The following MTOR variants were observed in gnomAD, a reference collection of about 807,000 sequenced individuals.
The protein encoded by MTOR is mechanistic target of rapamycin kinase.
A neutral mutation model predicts 319.8 loss-of-function variants in MTOR; 70 were observed. That is an observed-to-expected ratio of 0.22 (90% confidence interval 0.18 to 0.27). The LOEUF is 0.27. MTOR is among the 10% of genes least tolerant of loss of function. The pLI is 1.00. For missense variants in MTOR, 1,890 were observed against 3,274.4 expected (o/e 0.58, Z 10.32); for synonymous variants, 1,183 against 1,211.4 (o/e 0.98, Z 0.49).
chr1:11,181,521 T>C lies in MTOR; in HGVS notation c.4254-14004A>G, dbSNP rs936807984. On this transcript the variant is annotated intron_variant, in intron 28 of 57. Transcript: ENST00000361445. The stretch of plus-strand genomic sequence containing the variant: ...GCCTGGGCGACAGAGCCAGACTCCA[T>C]CTCAAAATAAATAAACAAATAAAAT... 4.6e-5 allele frequency among the ~76,000 whole-genome samples: 7 copies of C among 152,080 alleles called. No homozygotes were observed. In the South Asian group the frequency reaches 1.5e-3, roughly 32 times the overall value.
chr1:11,135,226 C>T (rs12124629), intron 36 of MTOR, among the ~76,000 whole-genome samples: 2 of 151,880 alleles, frequency 1.3e-5, no homozygotes, highest in Non-Finnish European at 2.9e-5. Context: ...TTGATAAGTG[C>T]GGTCCATATC....
rs2100909854 is a variant in MTOR at position 11,240,422 on chromosome 1, C to T, written c.1667G>A (p.Gly556Asp). 6.2e-7 allele frequency: 1 copy of T among 1,614,218 alleles called. No individual in the cohort carries two copies. Among genetic ancestry groups the T allele is most frequent in the Non-Finnish European group, 8.5e-7 (1 of 1,180,026 alleles). Reference sequence around the variant, plus strand: ...CTGATGGGCCAGGCCCTTGGGCATGCCTGGGTGGCGAAGGGGTTTGTGCAT... The same window carrying T: ...CTGATGGGCCAGGCCCTTGGGCATGTCTGGGTGGCGAAGGGGTTTGTGCAT... ...VLMHKPLRHP[G>D]MPKGLAHQLA... Residue 556 changes from glycine to aspartate, a missense_variant, in exon 11 of 58, where the codon GGC (glycine) becomes GAC (aspartate). Physicochemically the swap from Gly to Asp is moderately conservative, Grantham distance 94. Transcript: ENST00000361445.
chr1:11,144,624 A>C (rs764055805), intron 34 of MTOR, 24 bp downstream of exon 34: 4 of 1,609,210 alleles, frequency 2.5e-6, no homozygotes, highest in South Asian at 1.1e-5. Context: ...AGGTGGGTGA[A>C]CTGGGGCTTT....
intron 6 of MTOR, among the ~76,000 whole-genome samples, chr1:11,252,961 A>C (rs1340148168): frequency 6.6e-6 from 1 of 152,072 alleles, no homozygotes; most frequent in Admixed American, 6.5e-5. Context: ...GAAACCCATC[A>C]CTAAGTTTGT....
At chr1:11,183,323 G>C (rs1049647018) in intron 28 of MTOR, among the ~76,000 whole-genome samples, 4 of 151,976 alleles carry the variant, frequency 2.6e-5, no homozygotes, top group African/African-American at 7.3e-5. Context: ...TTTTGAGACA[G>C]AGTCTCTCTA....
intron 4 of MTOR, 84 bp downstream of exon 4, chr1:11,256,849 A>C: frequency 3.8e-6 from 5 of 1,311,924 alleles, no homozygotes; most frequent in African/African-American, 1.5e-5. Flanking sequence ...TTTTTAAGGA[A>C]TGAGCCTCAG....
chr1:11,145,094 G>A (rs2100511288), intron 32 of MTOR, 49 bp from the exon 33 acceptor site: 1 of 1,563,330 alleles, frequency 6.4e-7, no homozygotes, highest in Non-Finnish European at 8.8e-7. Flanking sequence ...TGGGAGCTTA[G>A]GGTTATTTTA....
At chr1:11,241,307 C>G (rs1179066015) in intron 10 of MTOR, among the ~76,000 whole-genome samples, 5 of 134,600 alleles carry the variant, frequency 3.7e-5, no homozygotes. Flanking sequence ...GGCGACAGAG[C>G]GAGACCCCTT....
intron 53 of MTOR, 26 bp downstream of exon 53, chr1:11,114,292 G>C (rs370742686): frequency 3.7e-5 from 59 of 1,612,380 alleles, no homozygotes; most frequent in Non-Finnish European, 4.2e-5. Flanking sequence ...ACTGAGCTCA[G>C]CTCCCAGGCA....
Position 11,135,088 on chromosome 1 carries a change from G to A in MTOR, c.5131-622C>T, listed in dbSNP as rs144539882. On this transcript the variant is annotated intron_variant, in intron 36 of 57. Coordinates refer to ENST00000361445, the MANE Select transcript of MTOR (RefSeq NM_004958.4). Reference sequence around the variant, plus strand: ...AGCAGCTAGATCTATTTATACTACCGGCTTGTATACAAAGTGAGCAGAGGG... The same window carrying A: ...AGCAGCTAGATCTATTTATACTACCAGCTTGTATACAAAGTGAGCAGAGGG... Among the ~76,000 whole-genome samples, 731 of 152,240 alleles carry A rather than the reference G, an allele frequency of 4.8e-3. 8 individuals carry two copies. The highest frequency in any genetic ancestry group is 0.017 in the African/African-American group (691 of 41,538).
At chr1:11,123,981 T>G (rs1196516259) in intron 47 of MTOR, among the ~76,000 whole-genome samples, 1 of 152,216 alleles carries the variant, frequency 6.6e-6, no homozygotes, top group Non-Finnish European at 1.5e-5. Context: ...AGACACAGGG[T>G]TTCACCATGT....
intron 19 of MTOR, among the ~76,000 whole-genome samples, chr1:11,220,902 G>A (rs1372105575): frequency 2.6e-5 from 4 of 152,192 alleles, no homozygotes; most frequent in Non-Finnish European, 5.9e-5. Flanking sequence ...GAGGTATAAA[G>A]ATGGTGACAG....
chr1:11,229,045 T>C lies in MTOR; in HGVS notation c.2780-127A>G. The C allele has an allele frequency of 3.2e-6, 4 of 1,231,308 alleles. No individual in the cohort carries two copies. In the South Asian group the frequency reaches 5.7e-5, roughly 17 times the overall value. 76.3% of individuals were successfully genotyped at this position (1,231,308 alleles called of 1,614,324 possible). On this transcript the variant is annotated intron_variant, in intron 18 of 57. Transcript: ENST00000361445. The stretch of plus-strand genomic sequence containing the variant: ...TCATATCTTTCTTCCTAGTATGTTC[T>C]AACACTGTTGGGAGTTCAAGGTCTA...
intron 30 of MTOR, chr1:11,152,399 A>G (rs891830146): frequency 6.6e-6 from 1 of 151,944 alleles, no homozygotes; most frequent in African/African-American, 2.4e-5. Context: ...TACAGAGAAG[A>G]TAGCATGGTC....
chr1:11,167,388 ACTCCC>A (rs1644680302), intron 29 of MTOR, 49 bp downstream of exon 29: 1 of 1,430,674 alleles, frequency 7.0e-7, no homozygotes, highest in Non-Finnish European at 9.9e-7. Flanking sequence ...AGGGCCAATA[ACTCCC>A]TAGCCAAGTC....
chr1:11,256,827 T>C (rs2100977561), intron 4 of MTOR, 106 bp downstream of exon 4: 1 of 1,119,318 alleles, frequency 8.9e-7, no homozygotes, highest in South Asian at 1.5e-5. Context: ...ATCCTAGCTC[T>C]TCTAACCAGC....
chr1:11,211,387 A>G (rs77756284), intron 23 of MTOR, among the ~76,000 whole-genome samples: 4 of 152,342 alleles, frequency 2.6e-5, no homozygotes, highest in Non-Finnish European at 4.4e-5. Flanking sequence ...CTTAGGTGAG[A>G]TGAGGTCTTG....
intron 28 of MTOR, among the ~76,000 whole-genome samples, chr1:11,196,894 A>C (rs970249423): frequency 6.6e-6 from 1 of 152,162 alleles, no homozygotes; most frequent in Admixed American, 6.6e-5. Flanking sequence ...AGCTGAACAA[A>C]GATGTTTTTG....
rs2100360974 is a variant in MTOR, at chr1:11,121,944, G to A, written c.6810+35C>T. The stretch of plus-strand genomic sequence containing the variant: ...AGCGCTACGGAGATTCCCTGCCACG[G>A]AAGGGGCACTAGCTCTCGTGGCCGC... On this transcript the variant is annotated intron_variant, in intron 48 of 57. Coordinates refer to ENST00000361445, the MANE Select transcript of MTOR (RefSeq NM_004958.4). This position sits in a 1 kb window ranked among gnomAD's most constrained non-coding sequence, Gnocchi z 4.9. 6.2e-7 allele frequency: 1 copy of A among 1,609,456 alleles called. No individual in the cohort carries two copies. Among genetic ancestry groups the A allele is most frequent in the Non-Finnish European group, 8.5e-7 (1 of 1,176,698 alleles).
Sources: allele counts gnomAD v4.1 joint callset (sites outside exome capture counted in the v4.1 genomes callset), GRCh38; gene constraint gnomAD v4.1.1; non-coding constraint Gnocchi (gnomAD v3.1); transcripts MANE v1.5; gene names NCBI Gene and HGNC (gene_info 2026-07-23, HGNC 2026-07-21).